The following DNAAF4 variants were observed in gnomAD, a reference collection of about 807,000 sequenced individuals.
DNAAF4 encodes dynein axonemal assembly factor 4.
Under a neutral mutation model 51.8 loss-of-function variants are expected in DNAAF4, and 43 were observed. That is an observed-to-expected ratio of 0.83 (90% CI 0.65 to 1.07). The LOEUF (loss-of-function observed/expected upper bound fraction) is 1.07. Among genes scored for constraint, DNAAF4 ranks in the 50% least tolerant of loss-of-function variants. DNAAF4 has a pLI of 0.00. For synonymous variants in DNAAF4, 194 were observed against 165.6 expected (o/e 1.17, Z -1.32); for missense variants, 581 against 493.0 (o/e 1.18, Z -1.69).
intron 4 of DNAAF4, among the ~76,000 whole-genome samples, chr15:55,470,939 C>T (rs2058246569): frequency 6.6e-6 from 1 of 150,736 alleles, no homozygotes; most frequent in Non-Finnish European, 1.5e-5. Flanking sequence ...CTGTAGCTTC[C>T]ACTTCCTAGG....
chr15:55,424,626 G>T (rs571720116), intron 7 of DNAAF4, among the ~76,000 whole-genome samples: 55 of 152,192 alleles, frequency 3.6e-4, no homozygotes, highest in Non-Finnish European at 6.9e-4. Context: ...GCAGTGGCAC[G>T]ATCTCAGCTC....
chr15:55,475,121 T>C (rs1161505955), intron 4 of DNAAF4, among the ~76,000 whole-genome samples: 2 of 152,242 alleles, frequency 1.3e-5, no homozygotes, highest in South Asian at 2.1e-4. Context: ...TATAAGTATG[T>C]TGATGCGCTG....
intron 5 of DNAAF4, among the ~76,000 whole-genome samples, chr15:55,450,709 T>C (rs952319325): frequency 2.6e-5 from 4 of 152,186 alleles, no homozygotes; most frequent in African/African-American, 4.8e-5. Context: ...CATCTCTATC[T>C]CCTTAAACTC....
At chr15:55,483,045 G>A (rs938071475) in intron 4 of DNAAF4, among the ~76,000 whole-genome samples, 1 of 152,096 alleles carries the variant, frequency 6.6e-6, no homozygotes, top group Non-Finnish European at 1.5e-5. Flanking sequence ...GGGCTATGGT[G>A]GAGGGAAAAG....
intron 4 of DNAAF4, among the ~76,000 whole-genome samples, chr15:55,482,934 T>G (rs1179517073): frequency 1.3e-5 from 2 of 152,198 alleles, no homozygotes; most frequent in African/African-American, 4.8e-5. Context: ...AAGCCTCCCA[T>G]AAAGACTGAT....
intron 7 of DNAAF4, among the ~76,000 whole-genome samples, chr15:55,421,156 C>T (rs1595882976): frequency 6.9e-6 from 1 of 145,460 alleles, no homozygotes; most frequent in Non-Finnish European, 1.5e-5. Context: ...CACCACTGCA[C>T]TGCAGCCTGG....
chr15:55,442,937 C>T, intron 6 of DNAAF4: 2 of 1,611,600 alleles, frequency 1.2e-6, no homozygotes, highest in Non-Finnish European at 1.7e-6. Flanking sequence ...TAAGGGACTC[C>T]TTGAAATAAG....
intron 4 of DNAAF4, among the ~76,000 whole-genome samples, chr15:55,490,768 A>C (rs1320323816): frequency 1.3e-5 from 2 of 152,108 alleles, no homozygotes; most frequent in African/African-American, 2.4e-5. Flanking sequence ...CCCGGCTAAC[A>C]CGGTGAAACC....
At chr15:55,480,684 T>C (rs1043297411) in intron 4 of DNAAF4, among the ~76,000 whole-genome samples, 1 of 151,878 alleles carries the variant, frequency 6.6e-6, no homozygotes, top group Admixed American at 6.6e-5. Context: ...ACTGCAGGCG[T>C]AGAAACAGGA....
chr15:55,448,519 G>GGTGGGT (rs2057876404), intron 6 of DNAAF4, among the ~76,000 whole-genome samples: 2 of 99,890 alleles, frequency 2.0e-5, no homozygotes, highest in Admixed American at 1.4e-4. Context: ...AAAAAAAAAG[G>GGTGGGT]GTGTGTGTGT....
chr15:55,473,331 AT>A (rs2058292137), intron 4 of DNAAF4, among the ~76,000 whole-genome samples: 1 of 124,086 alleles, frequency 8.1e-6, no homozygotes, highest in Non-Finnish European at 1.6e-5. Flanking sequence ...GTGTATATAT[AT>A]GTGTGTATAT....
intron 2 of DNAAF4, 60 bp downstream of exon 2, chr15:55,498,147 C>A: frequency 6.2e-7 from 1 of 1,610,750 alleles, no homozygotes; most frequent in South Asian, 1.1e-5. Context: ...CCCAGCTGCG[C>A]TCTTGCAGAA....
In DNAAF4 at chr15:55,430,491, T is replaced by C; in HGVS notation, c.*179A>G. ...AAATAGATTCTTATTTAGATTTACT[T>C]ATTCAGAAATGATTCAAGTCAAACA... On this transcript the variant is annotated 3_prime_UTR_variant, in exon 10 of 10. Transcript: ENST00000321149. 1 of 1,156,338 alleles carries C rather than the reference T, an allele frequency of 8.6e-7. No homozygotes were observed. Among genetic ancestry groups the C allele is most frequent in the Non-Finnish European group, 1.1e-6 (1 of 921,854 alleles). The allele number at this position is 1,156,338 out of a possible 1,614,324, so 71.6% of individuals were successfully genotyped here.
At chr15:55,498,127 G>C in intron 2 of DNAAF4, 80 bp downstream of exon 2, 1 of 1,602,132 alleles carries the variant, frequency 6.2e-7, no homozygotes, top group Non-Finnish European at 8.5e-7. Context: ...AGATGAGCCT[G>C]TTGCTCGTGC....
At chr15:55,462,686 C>T (rs1437726492) in intron 5 of DNAAF4, among the ~76,000 whole-genome samples, 1 of 149,232 alleles carries the variant, frequency 6.7e-6, no homozygotes, top group Non-Finnish European at 1.5e-5. Context: ...ACAGATGTAA[C>T]ACTCCTCAAC....
chr15:55,443,187 G>C (rs1241502059), intron 6 of DNAAF4: 31 of 1,610,008 alleles, frequency 1.9e-5, no homozygotes, highest in Non-Finnish European at 2.6e-5. Flanking sequence ...GCAGTCTTAG[G>C]TCCTTGTTCC....
intron 4 of DNAAF4, among the ~76,000 whole-genome samples, chr15:55,485,896 T>C (rs112064455): frequency 0.11 from 15,841 of 147,394 alleles, 1,117 homozygotes; most frequent in African/African-American, 0.2. Flanking sequence ...TCGGGAAACT[T>C]AGGCAGGAGA....
intron 1 of DNAAF4, among the ~76,000 whole-genome samples, chr15:55,503,933 G>C (rs528309555): frequency 6.6e-6 from 1 of 152,270 alleles, no homozygotes; most frequent in South Asian, 2.1e-4. Context: ...AGGGCAATCA[G>C]GCAAGAGAAA....
intron 7 of DNAAF4, 96 bp from the exon 8 acceptor site, chr15:55,435,154 C>T: frequency 1.5e-6 from 2 of 1,331,994 alleles, no homozygotes; most frequent in South Asian, 1.5e-5. Context: ...GATGGCTTAC[C>T]TCTTTTTGCA....
Sources: gnomAD v4.1 joint callset for allele counts (sites outside exome capture counted in the v4.1 genomes callset) on GRCh38, gnomAD v4.1.1 for gene constraint, MANE v1.5 for transcripts, NCBI Gene and HGNC (gene_info 2026-07-23, HGNC 2026-07-21) for gene names.